NSMCE2: variants seen among roughly 807,000 people sequenced by gnomAD.
The protein encoded by NSMCE2 is E3 SUMO-protein ligase NSE2.
A neutral mutation model predicts 23.8 loss-of-function variants in NSMCE2; 24 were observed. The observed-to-expected ratio is 1.01, with a 90% CI of 0.73 to 1.42. The LOEUF is 1.42. Among genes scored for constraint, NSMCE2 ranks in the 40% most tolerant of loss-of-function variants. The pLI, the probability that NSMCE2 is intolerant of heterozygous loss-of-function variation, is 0.00. For synonymous variants in NSMCE2, 92 were observed against 94.1 expected (o/e 0.98, Z 0.13); for missense variants, 284 against 296.5 (o/e 0.96, Z 0.31).
chr8:125,245,501 T>C (rs1825922029), intron 5 of NSMCE2, among the ~76,000 whole-genome samples: 1 of 152,002 alleles, frequency 6.6e-6, no homozygotes, highest in Admixed American at 6.6e-5. Context: ...TACCAAAATG[T>C]GTAGGTGGGA....
chr8:125,258,325 A>C (rs987445072), intron 5 of NSMCE2, among the ~76,000 whole-genome samples: 2 of 152,236 alleles, frequency 1.3e-5, no homozygotes, highest in South Asian at 4.1e-4. Context: ...GGGCTAGCTC[A>C]CAAGAGGCAA....
At chr8:125,139,304 T>C (rs898740072) in intron 3 of NSMCE2, among the ~76,000 whole-genome samples, 1 of 152,210 alleles carries the variant, frequency 6.6e-6, no homozygotes, top group African/African-American at 2.4e-5. Flanking sequence ...TCAGTAAATA[T>C]TTGTTGAATG....
At chr8:125,310,744 T>A (rs1299560545) in intron 5 of NSMCE2, among the ~76,000 whole-genome samples, 2 of 152,206 alleles carry the variant, frequency 1.3e-5, no homozygotes, top group Non-Finnish European at 2.9e-5. Context: ...GTCACTGTGA[T>A]CTGTTTCAGC....
chr8:125,142,319 A>C (rs1320552225), intron 3 of NSMCE2, among the ~76,000 whole-genome samples: 1 of 152,208 alleles, frequency 6.6e-6, no homozygotes, highest in Non-Finnish European at 1.5e-5. Context: ...CTTACCAAAA[A>C]CTACATAGCT....
intron 5 of NSMCE2, among the ~76,000 whole-genome samples, chr8:125,334,426 C>T (rs1011971779): frequency 1.3e-5 from 2 of 152,122 alleles, no homozygotes; most frequent in African/African-American, 4.8e-5. Context: ...GATCCATGAA[C>T]GTTGAATTCA....
intron 5 of NSMCE2, among the ~76,000 whole-genome samples, chr8:125,219,394 AAC>A (rs1187270678): frequency 6.6e-6 from 1 of 152,198 alleles, no homozygotes; most frequent in African/African-American, 2.4e-5. Context: ...ATTGAATATT[AAC>A]ACAGTGCCTG....
At chr8:125,272,698 G>A (rs1413680403) in intron 5 of NSMCE2, among the ~76,000 whole-genome samples, 4 of 50,736 alleles carry the variant, frequency 7.9e-5, no homozygotes, top group Non-Finnish European at 2.0e-4. Flanking sequence ...CAGCTACTTG[G>A]GATATATATA....
intron 5 of NSMCE2, among the ~76,000 whole-genome samples, chr8:125,236,907 G>A (rs1435334474): frequency 6.6e-6 from 1 of 151,008 alleles, no homozygotes; most frequent in Non-Finnish European, 1.5e-5. Flanking sequence ...ACTAAATACT[G>A]GTACATAGTA....
rs979795985 is a variant in NSMCE2 at position 125,278,902 on chromosome 8, C to T, written c.419-78317C>T. Among the ~76,000 whole-genome samples, 8 of 151,792 alleles carry T rather than the reference C, an allele frequency of 5.3e-5. No homozygotes were observed. The South Asian group carries it at 1.0e-3, about 20-fold the overall frequency. On this transcript the variant is annotated intron_variant, in intron 5 of 7. Transcript: ENST00000287437. The stretch of plus-strand genomic sequence containing the variant: ...TATCTAGCCAGGATTCAACTCAAAC[C>T]GAGAACCAGGATGGGATTGGAATTA...
intron 3 of NSMCE2, among the ~76,000 whole-genome samples, chr8:125,135,090 G>A (rs1819994604): frequency 6.6e-6 from 1 of 151,968 alleles, no homozygotes; most frequent in Non-Finnish European, 1.5e-5. Flanking sequence ...CTAATTTTTT[G>A]TATTTATGGT....
At chr8:125,209,413 G>T (rs893918514) in intron 5 of NSMCE2, among the ~76,000 whole-genome samples, 1 of 151,986 alleles carries the variant, frequency 6.6e-6, no homozygotes, top group Non-Finnish European at 1.5e-5. Context: ...AAATTTGACA[G>T]GTAAATTTGC....
At chr8:125,131,682 T>G (rs1819779448) in intron 3 of NSMCE2, among the ~76,000 whole-genome samples, 1 of 152,198 alleles carries the variant, frequency 6.6e-6, no homozygotes, top group Non-Finnish European at 1.5e-5. Flanking sequence ...CAGAAATGTT[T>G]CTTAAACTGC....
intron 5 of NSMCE2, among the ~76,000 whole-genome samples, chr8:125,349,443 C>T (rs1236397861): frequency 6.6e-6 from 1 of 152,128 alleles, no homozygotes; most frequent in African/African-American, 2.4e-5. Flanking sequence ...GAGAAAAGTG[C>T]TTTTAGGAAA....
chr8:125,127,177 T>C (rs1177395792), intron 3 of NSMCE2: 1 of 152,208 alleles, frequency 6.6e-6, no homozygotes, highest in East Asian at 1.9e-4. Flanking sequence ...GTTACATGCT[T>C]TGCTGTCCAA....
chr8:125,298,428 C>T (rs1272503182), intron 5 of NSMCE2, among the ~76,000 whole-genome samples: 1 of 152,198 alleles, frequency 6.6e-6, no homozygotes, highest in Non-Finnish European at 1.5e-5. Flanking sequence ...CCCAAAGTCA[C>T]CCAGCCAGTA....
chr8:125,096,759 T>C (rs1817957233), intron 1 of NSMCE2, among the ~76,000 whole-genome samples: 2 of 151,000 alleles, frequency 1.3e-5, no homozygotes, highest in Admixed American at 1.3e-4. Flanking sequence ...TGCAGGTGTG[T>C]ACCACCATGC....
At chr8:125,283,873 G>T (rs1366333599) in intron 5 of NSMCE2, among the ~76,000 whole-genome samples, 2 of 152,112 alleles carry the variant, frequency 1.3e-5, no homozygotes, top group African/African-American at 4.8e-5. Flanking sequence ...ACTCAAGTAG[G>T]CCGGGCGCAG....
chr8:125,312,644 T>C (rs1182244732), intron 5 of NSMCE2, among the ~76,000 whole-genome samples: 5 of 151,952 alleles, frequency 3.3e-5, no homozygotes, highest in Admixed American at 1.3e-4. Context: ...AATAAACAAA[T>C]AAATAAATAA....
chr8:125,136,676 G>A (rs1438530394), intron 3 of NSMCE2, among the ~76,000 whole-genome samples: 1 of 151,982 alleles, frequency 6.6e-6, no homozygotes, highest in Non-Finnish European at 1.5e-5. Flanking sequence ...AGATACACTA[G>A]TGGGTGCTTA....
Sources: allele counts gnomAD v4.1 joint callset (sites outside exome capture counted in the v4.1 genomes callset), GRCh38; gene constraint gnomAD v4.1.1; transcripts MANE v1.5; gene names NCBI Gene and HGNC (gene_info 2026-07-23, HGNC 2026-07-21).